AGBL3: variants seen among roughly 807,000 people sequenced by gnomAD.
The protein encoded by AGBL3 is AGBL carboxypeptidase 3, also known as cytosolic carboxypeptidase 3.
Under a neutral mutation model 94.5 loss-of-function variants are expected in AGBL3, and 68 were observed. The ratio of observed to expected loss-of-function variants is 0.72; its 90% confidence interval spans 0.59 to 0.88. The LOEUF (loss-of-function observed/expected upper bound fraction) is 0.88, where lower values mean the gene tolerates loss of function less well. Ranked by LOEUF, AGBL3 falls within the 40% of genes least tolerant of loss-of-function variation. AGBL3 has a pLI of 0.00. For synonymous variants in AGBL3, 354 were observed against 370.7 expected, an observed-to-expected ratio of 0.95 and a Z score of 0.52; for missense variants, 934 against 1,103.8, an observed-to-expected ratio of 0.85 and a Z score of 2.18.
intron 5 of AGBL3, among the ~76,000 whole-genome samples, chr7:135,019,008 C>T (rs1382472549): frequency 6.6e-6 from 1 of 152,194 alleles, no homozygotes; most frequent in African/African-American, 2.4e-5. Context: ...TCCGCAGCTC[C>T]AGCCCCAGGC....
intron 10 of AGBL3, 34 bp from the exon 11 acceptor site, chr7:135,045,765 T>C: frequency 6.9e-7 from 1 of 1,451,520 alleles, no homozygotes. Flanking sequence ...AATAAAGTTA[T>C]TTCATAATGA....
At chr7:135,101,977 C>T (rs1418510617) in intron 15 of AGBL3, among the ~76,000 whole-genome samples, 1 of 152,214 alleles carries the variant, frequency 6.6e-6, no homozygotes, top group South Asian at 2.1e-4. Context: ...GCTTTGCTCT[C>T]ATTCTCTCTT....
intron 16 of AGBL3, chr7:135,115,905 CA>C (rs1270218001): frequency 4.5e-5 from 12 of 266,328 alleles, no homozygotes; most frequent in Middle Eastern, 1.2e-3. Context: ...TGAAAATTAT[CA>C]GCTGTTTTAA....
intron 8 of AGBL3, 84 bp downstream of exon 8, chr7:135,037,664 A>T (rs1429908225): frequency 8.7e-7 from 1 of 1,149,838 alleles, no homozygotes; most frequent in Admixed American, 3.5e-5. Flanking sequence ...GGATAATACT[A>T]TTCCAAACTG....
intron 2 of AGBL3, among the ~76,000 whole-genome samples, chr7:134,988,699 G>A (rs751276966): frequency 3.8e-4 from 57 of 151,606 alleles, no homozygotes; most frequent in East Asian, 5.8e-4. Flanking sequence ...GTGCAATGGC[G>A]CGATCTCGGC....
At chr7:135,134,693 G>A (rs967676613) in intron 16 of AGBL3, 148 bp from the exon 17 acceptor site, 1 of 720,702 alleles carries the variant, frequency 1.4e-6, no homozygotes, top group Admixed American at 3.1e-5. Flanking sequence ...CAGAGATGAA[G>A]ACTTCTAAAT....
intron 16 of AGBL3, among the ~76,000 whole-genome samples, chr7:135,119,812 G>A (rs1307520396): frequency 6.6e-6 from 1 of 152,208 alleles, no homozygotes; most frequent in African/African-American, 2.4e-5. Context: ...GGGAGGCAGA[G>A]CTTGCAGTGA....
intron 15 of AGBL3, among the ~76,000 whole-genome samples, chr7:135,081,999 A>G (rs1820959140): frequency 6.6e-6 from 1 of 152,228 alleles, no homozygotes; most frequent in African/African-American, 2.4e-5. Flanking sequence ...ATCTTAGAGC[A>G]GAGAGAAACC....
intron 15 of AGBL3, among the ~76,000 whole-genome samples, chr7:135,115,012 T>A (rs895268702): frequency 5.3e-5 from 8 of 152,198 alleles, no homozygotes; most frequent in Admixed American, 5.2e-4. Context: ...AACACACTAC[T>A]ATTCTCCTAC....
chr7:135,002,169 A>G (rs1811799678), intron 4 of AGBL3, among the ~76,000 whole-genome samples: 1 of 152,154 alleles, frequency 6.6e-6, no homozygotes, highest in Non-Finnish European at 1.5e-5. Context: ...AGGTTCAATG[A>G]TTCATTAAAA....
At chr7:135,001,497 G>A (rs1162294104) in intron 4 of AGBL3, among the ~76,000 whole-genome samples, 2 of 152,122 alleles carry the variant, frequency 1.3e-5, no homozygotes, top group Non-Finnish European at 2.9e-5. Context: ...AATTCCTCCA[G>A]ACTAAGGTAA....
chr7:135,030,179 AAG>A (rs1409091144), intron 5 of AGBL3, among the ~76,000 whole-genome samples: 4 of 144,548 alleles, frequency 2.8e-5, no homozygotes, highest in South Asian at 2.1e-4. Flanking sequence ...AAAAAAAAGA[AAG>A]AAAAAAAACA....
At chr7:135,023,385 G>A (rs1378402061) in intron 5 of AGBL3, among the ~76,000 whole-genome samples, 1 of 152,140 alleles carries the variant, frequency 6.6e-6, no homozygotes, top group Non-Finnish European at 1.5e-5. Flanking sequence ...GAATGCCGGG[G>A]CTAGTTCCTA....
chr7:134,988,700 C>T (rs756983463), intron 2 of AGBL3, among the ~76,000 whole-genome samples: 61 of 151,742 alleles, frequency 4.0e-4, no homozygotes, highest in Admixed American at 7.2e-4. Flanking sequence ...TGCAATGGCG[C>T]GATCTCGGCT....
intron 15 of AGBL3, among the ~76,000 whole-genome samples, chr7:135,087,980 C>T (rs1382835272): frequency 6.6e-6 from 1 of 151,928 alleles, no homozygotes; most frequent in Non-Finnish European, 1.5e-5. Flanking sequence ...ATAATATTTG[C>T]TTTATGTTTC....
intron 4 of AGBL3, among the ~76,000 whole-genome samples, chr7:135,012,685 G>A (rs1405752742): frequency 2.0e-5 from 3 of 152,086 alleles, no homozygotes; most frequent in Admixed American, 1.3e-4. Flanking sequence ...GAAACCCAAT[G>A]AGGGTAAGGA....
intron 11 of AGBL3, among the ~76,000 whole-genome samples, chr7:135,052,692 T>C (rs1363279116): frequency 1.3e-5 from 2 of 152,156 alleles, no homozygotes; most frequent in Non-Finnish European, 2.9e-5. Flanking sequence ...ATGATTTACT[T>C]TTAAATGTGG....
chr7:135,080,343 C>A, intron 14 of AGBL3, 83 bp downstream of exon 14: 1 of 1,096,384 alleles, frequency 9.1e-7, no homozygotes, highest in Non-Finnish European at 1.4e-6. Flanking sequence ...TTTGAGGTTG[C>A]CACTGTGCTT....
At position 135,081,791 on chromosome 7, in the gene AGBL3, G is replaced by A. The variant is rs2116858056; in HGVS notation, c.2110+1G>A. ...AGACAATTACCTAATCAAGGTTTGGGTGAGTAAAATAGGAACACAGACAGT... is the reference window on the plus strand; with the variant it reads ...AGACAATTACCTAATCAAGGTTTGGATGAGTAAAATAGGAACACAGACAGT... On this transcript the variant is annotated splice_donor_variant, in intron 15 of 16. Transcript: ENST00000436302. LOFTEE classifies it high-confidence loss of function. 3.9e-6 allele frequency: 6 copies of A among 1,527,494 alleles called. No homozygotes were observed. In the East Asian group the frequency reaches 7.4e-5, roughly 19 times the overall value. 94.6% of individuals were successfully genotyped at this position (1,527,494 alleles called of 1,614,324 possible). A position where few individuals can be genotyped will look rare whatever the true frequency, so the allele number is the denominator to read the frequency against.
Sources: gnomAD v4.1 joint callset for allele counts (sites outside exome capture counted in the v4.1 genomes callset) on GRCh38, gnomAD v4.1.1 for gene constraint, MANE v1.5 for transcripts, NCBI Gene and HGNC (gene_info 2026-07-23, HGNC 2026-07-21) for gene names.